RAB27A: variants seen among roughly 807,000 people sequenced by gnomAD.
RAB27A encodes the protein ras-related protein Rab-27A.
Under a neutral mutation model 20.8 loss-of-function variants are expected in RAB27A, and 17 were observed. The ratio of observed to expected loss-of-function variants is 0.82; its 90% CI spans 0.56 to 1.23. RAB27A has a LOEUF of 1.23. Among genes scored for constraint, RAB27A ranks in the 50% most tolerant of loss-of-function variants. The probability of loss-of-function intolerance (pLI) is 0.00; values close to 1 mark genes in which losing one functional copy is unlikely to be tolerated. For missense variants in RAB27A, 277 were observed against 266.7 expected (o/e 1.04, Z -0.27); for synonymous variants, 85 against 92.8 (o/e 0.92, Z 0.48).
chr15:55,267,705 A>G (rs1464721316), intron 2 of RAB27A, among the ~76,000 whole-genome samples: 1 of 152,238 alleles, frequency 6.6e-6, no homozygotes, highest in Non-Finnish European at 1.5e-5. Context: ...TAATAGCAAA[A>G]GATGAGCAGA....
rs531995961 is a variant in RAB27A at position 55,261,610 on chromosome 15, G to A, written c.-23+8555C>T. 1.2e-4 allele frequency among the ~76,000 whole-genome samples: 18 copies of A among 144,942 alleles called. No individual in the cohort carries two copies. In the South Asian group the frequency reaches 1.5e-3, roughly 12 times the overall value. On this transcript the variant is annotated intron_variant, in intron 2 of 6. Coordinates refer to ENST00000336787, the MANE Select transcript of RAB27A (RefSeq NM_183235.3). ...AAAAAAGTTAGCTAGGCTTGGGGGC[G>A]TGTGCCCGTAGTCCCAGCTACTTGG... is the stretch of plus-strand genomic sequence containing the variant.
At chr15:55,301,455 A>C (rs1304405084) in intron 2 of RAB27A, among the ~76,000 whole-genome samples, 2 of 151,692 alleles carry the variant, frequency 1.3e-5, no homozygotes, top group Non-Finnish European at 2.9e-5. Context: ...CACACAATAA[A>C]GTTCACCCCT....
chr15:55,209,923 C>CACATATGTGTGTATATAT (rs1566896478), intron 6 of RAB27A, among the ~76,000 whole-genome samples: 1 of 82,542 alleles, frequency 1.2e-5, no homozygotes, highest in African/African-American at 8.5e-5. Context: ...TGTATATACA[C>CACATATGTGTGTATATAT]ACATATATGT....
chr15:55,244,922 CT>C (rs199806583), intron 2 of RAB27A, among the ~76,000 whole-genome samples: 2 of 152,060 alleles, frequency 1.3e-5, no homozygotes, highest in South Asian at 4.1e-4. Flanking sequence ...GCTTTTCTTG[CT>C]TTTTTTGTTT....
chr15:55,267,767 A>G (rs922949721), intron 2 of RAB27A, among the ~76,000 whole-genome samples: 23 of 152,194 alleles, frequency 1.5e-4, no homozygotes, highest in Non-Finnish European at 3.2e-4. Flanking sequence ...GGAGGCAGGA[A>G]GAAGACAGTT....
chr15:55,241,641 TG>T (rs1359049610), intron 2 of RAB27A, among the ~76,000 whole-genome samples: 1 of 121,420 alleles, frequency 8.2e-6, no homozygotes, highest in Non-Finnish European at 1.6e-5. Context: ...TATATATATT[TG>T]TTTTTTTTTT....
rs1264816656 is a variant in RAB27A, at chr15:55,203,878, TA to T, written c.*1628del. The T allele has an allele frequency of 6.6e-6, 1 of 151,806 alleles. No individual in the cohort carries two copies. The allele number at this position is 151,806 out of a possible 1,614,324, so 9.4% of individuals were successfully genotyped here. On this transcript the variant is annotated 3_prime_UTR_variant, in exon 7 of 7. Transcript: ENST00000336787. ...ACCATGGATAAGTTTGTTATGGGAG[TA>T]GTGGAAGGACAGTGGAAAAAAAAAT...
chr15:55,277,805 G>A (rs1445172685), intron 1 of RAB27A, among the ~76,000 whole-genome samples: 1 of 152,204 alleles, frequency 6.6e-6, no homozygotes, highest in Non-Finnish European at 1.5e-5. Context: ...GGGTCAGTAG[G>A]CTGGGTGACA....
In RAB27A at chr15:55,228,593, G is replaced by A. The variant is rs1299266919; in HGVS notation, c.343+16C>T. On this transcript the variant is annotated intron_variant, in intron 5 of 6. Transcript: ENST00000336787. ...GGGGACTGTGTAGCAGGACACTGGG[G>A]AACAATAACACTTACTTATCCAGTT... The A allele has an allele frequency of 6.5e-7, 1 of 1,543,402 alleles. No homozygotes were observed. The highest frequency in any genetic ancestry group is 9.0e-7 in the Non-Finnish European group (1 of 1,115,632).
intron 1 of RAB27A, among the ~76,000 whole-genome samples, chr15:55,277,700 A>T (rs891702041): frequency 3.3e-5 from 5 of 152,144 alleles, no homozygotes; most frequent in Non-Finnish European, 5.9e-5. Flanking sequence ...GGCACCAAAA[A>T]ATGTTCTGAA....
intron 2 of RAB27A, among the ~76,000 whole-genome samples, chr15:55,240,974 C>T (rs1457221945): frequency 6.6e-6 from 1 of 152,098 alleles, no homozygotes; most frequent in African/African-American, 2.4e-5. Context: ...TTTCTGAGGG[C>T]TGTTGTGAGG....
chr15:55,297,452 T>C (rs1207590842), intron 2 of RAB27A, among the ~76,000 whole-genome samples: 1 of 152,248 alleles, frequency 6.6e-6, no homozygotes, highest in African/African-American at 2.4e-5. Context: ...AAGTGGACTT[T>C]ATCCTGTAAC....
At chr15:55,215,584 G>A (rs1196666176) in intron 6 of RAB27A, among the ~76,000 whole-genome samples, 2 of 145,596 alleles carry the variant, frequency 1.4e-5, no homozygotes, top group East Asian at 4.0e-4. Flanking sequence ...CCCGGGAAGC[G>A]GAGCTTGCAG....
At chr15:55,235,696 T>C (rs1306509305) in intron 2 of RAB27A, among the ~76,000 whole-genome samples, 1 of 152,066 alleles carries the variant, frequency 6.6e-6, no homozygotes, top group Non-Finnish European at 1.5e-5. Context: ...AGTCTCCTAG[T>C]GCTAAAATTT....
intron 6 of RAB27A, among the ~76,000 whole-genome samples, chr15:55,207,531 T>C (rs191663483): frequency 1.3e-5 from 2 of 152,358 alleles, no homozygotes; most frequent in East Asian, 3.9e-4. Context: ...AACCCTGTGC[T>C]GGAGCAGCAC....
chr15:55,279,623 C>G (rs1016317758), intron 1 of RAB27A, among the ~76,000 whole-genome samples: 3 of 152,314 alleles, frequency 2.0e-5, no homozygotes, highest in Admixed American at 6.5e-5. Flanking sequence ...TAATACTGAC[C>G]TAGCAAGGTG....
At chr15:55,267,833 C>T (rs907282798) in intron 2 of RAB27A, among the ~76,000 whole-genome samples, 2 of 152,218 alleles carry the variant, frequency 1.3e-5, no homozygotes, top group African/African-American at 4.8e-5. Context: ...CTGAAACAGC[C>T]GCAGAGAGAG....
rs541797404 is a variant in RAB27A at position 55,302,810 on chromosome 15, C to CT, written c.-112+11228dup. 3.7e-3 allele frequency among the ~76,000 whole-genome samples: 523 copies of CT among 141,772 alleles called. 3 individuals are homozygous for CT. Among genetic ancestry groups the CT allele is most frequent in the Non-Finnish European group, 6.3e-3 (408 of 65,236 alleles). 93.0% of individuals were successfully genotyped at this position (141,772 alleles called of 152,430 possible). A position where few individuals can be genotyped will look rare whatever the true frequency, so the allele number is the denominator to read the frequency against. On this transcript the variant is annotated intron_variant, in intron 2 of 5. Coordinates refer to the RAB27A transcript ENST00000563262. Reference sequence around the variant, plus strand: ...GAGCATCTCTGCCCGGCCGCCCCGTCTGAGAAGTGAGGAGACCCTCTGCCT... The same window carrying CT: ...GAGCATCTCTGCCCGGCCGCCCCGTCTTGAGAAGTGAGGAGACCCTCTGCCT...
Position 55,206,567 on chromosome 15 carries a change from T to A in RAB27A, c.468-862A>T, listed in dbSNP as rs116927495. 3.6e-3 allele frequency among the ~76,000 whole-genome samples: 555 copies of A among 152,244 alleles called. 22 individuals carry two copies. The East Asian group carries it at 0.086, about 23-fold the overall frequency. ...CATGTTGCCCAGGCTGGTTTCGAAC[T>A]CCTGAGCTCAAGCTACCCACCCGCC... On this transcript the variant is annotated intron_variant, in intron 6 of 6. Transcript: ENST00000336787.
Sources: allele counts gnomAD v4.1 joint callset (sites outside exome capture counted in the v4.1 genomes callset), GRCh38; gene constraint gnomAD v4.1.1; transcripts MANE v1.5; gene names NCBI Gene and HGNC (gene_info 2026-07-23, HGNC 2026-07-21).